PTK2B: variants seen among roughly 807,000 people sequenced by gnomAD.
PTK2B encodes protein-tyrosine kinase 2-beta.
A neutral mutation model predicts 142.9 loss-of-function variants in PTK2B; 71 were observed. That is an observed-to-expected ratio of 0.50 (90% CI 0.41 to 0.61). PTK2B has a LOEUF of 0.61. PTK2B is among the 20% of genes least tolerant of loss of function. The pLI is 0.00. For synonymous variants in PTK2B, 519 were observed against 503.4 expected, an observed-to-expected ratio of 1.03 and a Z score of -0.42; for missense variants, 1,105 against 1,320.4, an observed-to-expected ratio of 0.84 and a Z score of 2.53.
intron 2 of PTK2B, among the ~76,000 whole-genome samples, chr8:27,406,341 C>T (rs1808711614): frequency 6.6e-6 from 1 of 152,068 alleles, no homozygotes; most frequent in South Asian, 2.1e-4. Flanking sequence ...GGGGTTAGGA[C>T]ATGGACATAT....
rs375117308 is a variant in PTK2B, at chr8:27,431,539, C to T, written c.885+67C>T. On this transcript the variant is annotated intron_variant, in intron 9 of 30. Coordinates refer to ENST00000346049, the MANE Select transcript of PTK2B (RefSeq NM_173176.3). The stretch of plus-strand genomic sequence containing the variant: ...AGGTCGTCCCCTCTCTGCTGCCTCC[C>T]GCCCTGTCTGCCCCTTCAGTTCTTC... The T allele has an allele frequency of 1.1e-4, 168 of 1,587,024 alleles. No individual in the cohort carries two copies. In the East Asian group the frequency reaches 2.5e-3, roughly 23 times the overall value.
intron 1 of PTK2B, among the ~76,000 whole-genome samples, chr8:27,359,485 G>C (rs893488691): frequency 1.3e-5 from 2 of 152,112 alleles, no homozygotes; most frequent in African/African-American, 4.8e-5. Context: ...AATCTATAAC[G>C]TGCATCTGCT....
intron 1 of PTK2B, among the ~76,000 whole-genome samples, chr8:27,350,227 TAAGC>T (rs1586136408): frequency 6.6e-6 from 1 of 152,176 alleles, no homozygotes; most frequent in African/African-American, 2.4e-5. Context: ...GAGGATACAT[TAAGC>T]AAGAAATTTA....
At chr8:27,341,735 A>G (rs4733052) in intron 1 of PTK2B, among the ~76,000 whole-genome samples, 139,201 of 152,192 alleles carry the variant, frequency 0.91, 63,883 homozygotes, top group East Asian at 1. Context: ...GTACAATAGC[A>G]TAGTTATACC....
At position 27,363,041 on chromosome 8, in the gene PTK2B, C is replaced by T. The variant is rs1008691153; in HGVS notation, c.-37-34507C>T. On this transcript the variant is annotated intron_variant, in intron 1 of 30. Transcript: ENST00000346049. This position sits in a 1 kb window ranked among gnomAD's most constrained non-coding sequence, Gnocchi z 4.3. Reference sequence around the variant, plus strand: ...GGAAGCAGCTCCTTGGATAGCATCACTCCTGTTCTCGTCATGGTGGAAAAT... The same window carrying T: ...GGAAGCAGCTCCTTGGATAGCATCATTCCTGTTCTCGTCATGGTGGAAAAT... 3.3e-5 allele frequency among the ~76,000 whole-genome samples: 5 copies of T among 152,356 alleles called. No homozygotes were observed. The highest frequency in any genetic ancestry group is 7.3e-5 in the Non-Finnish European group (5 of 68,046).
intron 5 of PTK2B, among the ~76,000 whole-genome samples, chr8:27,429,728 C>A (rs767691602): frequency 4.6e-5 from 7 of 152,054 alleles, no homozygotes; most frequent in Non-Finnish European, 1.0e-4. Flanking sequence ...TCACAAGAGC[C>A]CCCCAGGACC....
chr8:27,431,912 C>G (rs1810451887), intron 9 of PTK2B, among the ~76,000 whole-genome samples: 2 of 152,156 alleles, frequency 1.3e-5, no homozygotes, highest in Admixed American at 6.5e-5. Flanking sequence ...CTAGATCAAG[C>G]CTGTGGTCCC....
chr8:27,315,685 G>C (rs1022095802), intron 3 of PTK2B, among the ~76,000 whole-genome samples: 6 of 151,886 alleles, frequency 4.0e-5, no homozygotes, highest in Admixed American at 6.6e-5. Context: ...CAAGAAGGAA[G>C]AGTAGAAATT....
At chr8:27,416,433 C>G (rs974983521) in intron 2 of PTK2B, among the ~76,000 whole-genome samples, 4 of 152,134 alleles carry the variant, frequency 2.6e-5, no homozygotes, top group Non-Finnish European at 4.4e-5. Context: ...AAGTCAACAA[C>G]CAATGCTGAA....
At chr8:27,439,486 C>G in intron 20 of PTK2B, 88 bp downstream of exon 20, 1 of 1,356,814 alleles carries the variant, frequency 7.4e-7, no homozygotes, top group Non-Finnish European at 1.0e-6. Context: ...GAGCAGGGGT[C>G]TGACCTCCAC....
intron 1 of PTK2B, among the ~76,000 whole-genome samples, chr8:27,383,022 T>C (rs183443647): frequency 6.6e-6 from 1 of 152,328 alleles, no homozygotes; most frequent in East Asian, 1.9e-4. Flanking sequence ...TCAGAATTGC[T>C]TTGGCTATTT....
Position 27,419,988 on chromosome 8 carries a change from G to T in PTK2B, c.298G>T (p.Asp100Tyr), listed in dbSNP as rs140538134. 6.2e-6 allele frequency: 10 copies of T among 1,614,202 alleles called. No individual in the cohort carries two copies. Among genetic ancestry groups the T allele is most frequent in the Non-Finnish European group, 8.5e-6 (10 of 1,180,040 alleles). The change falls in exon 3 of 31, where the codon GAT becomes TAT. Residue 100 changes from aspartate to tyrosine, a missense_variant. Physicochemically the swap from Asp to Tyr is radical, Grantham distance 160 (BLOSUM62 -3). Coordinates refer to ENST00000346049, the MANE Select transcript of PTK2B (RefSeq NM_173176.3). Reference protein sequence around the residue: ...YGLRLKHMKSDEIHWLHPQMT... With the variant: ...YGLRLKHMKSYEIHWLHPQMT... ...GCTGAGGCTGAAGCACATGAAGTCC[G>T]ATGAGATCCACTGGCTGCACCCACA...
chr8:27,426,636 T>C (rs1359178917), intron 5 of PTK2B, among the ~76,000 whole-genome samples: 1 of 152,194 alleles, frequency 6.6e-6, no homozygotes. Flanking sequence ...AACACCCAGA[T>C]TGTGGCACAT....
chr8:27,454,004 C>A (rs1811983652), intron 28 of PTK2B, 150 bp from the exon 29 acceptor site: 1 of 1,091,670 alleles, frequency 9.2e-7, no homozygotes, highest in Non-Finnish European at 1.3e-6. Context: ...AGAGGCAATG[C>A]ACCCCGGGAC....
intron 1 of PTK2B, among the ~76,000 whole-genome samples, chr8:27,370,058 T>C (rs766269388): frequency 2.0e-5 from 3 of 152,226 alleles, no homozygotes; most frequent in Non-Finnish European, 4.4e-5. Flanking sequence ...GAGGTCTCCA[T>C]TGAAGATGTG....
chr8:27,311,490 C>T (rs1305897062), exon 1 of PTK2B: 1 of 551,520 alleles, frequency 1.8e-6, no homozygotes, highest in Non-Finnish European at 3.1e-6. Flanking sequence ...CCGCAGTTCC[C>T]GCCTCCTCAG....
At chr8:27,367,774 G>A (rs1004877334) in intron 1 of PTK2B, among the ~76,000 whole-genome samples, 4 of 152,176 alleles carry the variant, frequency 2.6e-5, no homozygotes, top group Admixed American at 6.5e-5. Context: ...GATAGAAGCA[G>A]GGGAGGTGCC....
Position 27,425,760 on chromosome 8 carries a change from G to T in PTK2B, c.551+3377G>T, listed in dbSNP as rs1020646395. Among the ~76,000 whole-genome samples, 4 of 152,252 alleles carry T rather than the reference G, an allele frequency of 2.6e-5. No homozygotes were observed. In the East Asian group the frequency reaches 7.7e-4, roughly 29 times the overall value. Reference sequence around the variant, plus strand: ...GAGTAGTTTCACTGCCCTAAAATTTGTCCATACTCCACCTATCCATCCCTC... The same window carrying T: ...GAGTAGTTTCACTGCCCTAAAATTTTTCCATACTCCACCTATCCATCCCTC... On this transcript the variant is annotated intron_variant, in intron 5 of 30. Coordinates refer to ENST00000346049, the MANE Select transcript of PTK2B (RefSeq NM_173176.3).
In PTK2B at chr8:27,445,891, A is replaced by C; in HGVS notation, c.2312A>C (p.His771Pro). Residue 771 changes from histidine (H) to proline (P), a missense_variant, in exon 24 of 31, where the codon CAC becomes CCC. Transcript: ENST00000346049. ...NSLHTPPLHR[H>P]NVFKRHSMRE... ...CTGCACACCCCACCTCTCCACCGGC[A>C]CAATGTCTTCAAACGCCACAGCATG... 6.2e-7 allele frequency: 1 copy of C among 1,613,970 alleles called. No homozygotes were observed. The highest frequency in any genetic ancestry group is 8.5e-7 in the Non-Finnish European group (1 of 1,180,024).
Sources: gnomAD v4.1 joint callset for allele counts (sites outside exome capture counted in the v4.1 genomes callset) on GRCh38, gnomAD v4.1.1 for gene constraint, Gnocchi (gnomAD v3.1) non-coding constraint, MANE v1.5 for transcripts, NCBI Gene and HGNC (gene_info 2026-07-23, HGNC 2026-07-21) for gene names.